PDE10A: variants seen among roughly 807,000 people sequenced by gnomAD.
The protein encoded by PDE10A is phosphodiesterase 10A.
PDE10A carries 39 observed loss-of-function variants against 97.7 expected under a neutral mutation model. The ratio of observed to expected loss-of-function variants is 0.40; its 90% CI spans 0.31 to 0.52. PDE10A has a LOEUF of 0.52. Ranked by LOEUF, PDE10A falls within the 20% of genes least tolerant of loss-of-function variation. PDE10A has a pLI of 0.56. For synonymous variants in PDE10A, 371 were observed against 376.8 expected (o/e 0.98, Z 0.18); for missense variants, 731 against 1,047.8 (o/e 0.70, Z 4.17).
intron 1 of PDE10A, among the ~76,000 whole-genome samples, chr6:165,740,537 G>A (rs1044428039): frequency 6.6e-6 from 1 of 152,122 alleles, no homozygotes; most frequent in Admixed American, 6.5e-5. Context: ...TTTTCACTGT[G>A]TTAGCGAGGA....
At chr6:165,404,127 C>T (rs575008814) in intron 13 of PDE10A, among the ~76,000 whole-genome samples, 221 of 152,140 alleles carry the variant, frequency 1.5e-3, no homozygotes, top group African/African-American at 5.0e-3. Context: ...TCAGTCACAC[C>T]GATATGATTA....
chr6:165,909,093 T>G (rs997849472), intron 1 of PDE10A: 1 of 151,954 alleles, frequency 6.6e-6, no homozygotes, highest in Non-Finnish European at 1.5e-5. Context: ...TGGTAATTCA[T>G]GGAAATGTTG....
chr6:165,742,075 C>T (rs1373050513), intron 1 of PDE10A, among the ~76,000 whole-genome samples: 2 of 152,178 alleles, frequency 1.3e-5, no homozygotes, highest in African/African-American at 4.8e-5. Context: ...TGCGTAAGTA[C>T]TCTATATGCA....
At chr6:165,437,838 TG>T (rs2128241475) in intron 5 of PDE10A, among the ~76,000 whole-genome samples, 1 of 152,370 alleles carries the variant, frequency 6.6e-6, no homozygotes, top group African/African-American at 2.4e-5. Flanking sequence ...GTGTTGTTTT[TG>T]TTTTGTTTGC....
chr6:165,874,107 C>A (rs1222139011), intron 1 of PDE10A, among the ~76,000 whole-genome samples: 4 of 152,176 alleles, frequency 2.6e-5, no homozygotes, highest in Admixed American at 6.5e-5. Flanking sequence ...ATGAAAACAG[C>A]CAGAACTGAT....
intron 18 of PDE10A, among the ~76,000 whole-genome samples, chr6:165,354,398 A>T (rs1404332523): frequency 6.6e-6 from 1 of 152,220 alleles, no homozygotes; most frequent in Non-Finnish European, 1.5e-5. Context: ...GACATCAGCT[A>T]AGAGCATACT....
intron 1 of PDE10A, among the ~76,000 whole-genome samples, chr6:165,599,147 T>C (rs1329621988): frequency 1.3e-5 from 2 of 152,204 alleles, no homozygotes. Context: ...CCTAATGAAT[T>C]GCATGCCAAC....
At chr6:165,615,258 T>C (rs184804606) in intron 1 of PDE10A, among the ~76,000 whole-genome samples, 25 of 151,868 alleles carry the variant, frequency 1.6e-4, no homozygotes, top group African/African-American at 4.8e-4. Flanking sequence ...AAGAAATACA[T>C]GTAAAATAAC....
At chr6:165,598,263 C>A (rs1203948638) in intron 1 of PDE10A, among the ~76,000 whole-genome samples, 3 of 150,738 alleles carry the variant, frequency 2.0e-5, no homozygotes, top group South Asian at 4.2e-4. Flanking sequence ...TATTTAATTT[C>A]TTTTCTTCTT....
intron 15 of PDE10A, 38 bp from the exon 16 acceptor site, chr6:165,392,834 GAGAATCACTATGTTGTA>G: frequency 6.3e-7 from 1 of 1,596,630 alleles, no homozygotes; most frequent in South Asian, 1.1e-5. Context: ...GAAACCAGTA[GAGAATCACTATGTTGTA>G]GGAGAACTCC....
In PDE10A at chr6:165,662,037, C is replaced by T. The variant is rs1175278147; in HGVS notation, c.775G>A (p.Ala259Thr). The change falls in exon 1 of 22, where the codon GCC becomes ACC. Residue 259 changes from alanine (A) to threonine (T), a missense_variant. Ala to Thr is a moderately conservative substitution (Grantham distance 58, BLOSUM62 0). Coordinates refer to ENST00000539869, the MANE Select transcript of PDE10A (RefSeq NM_001385079.1). ...QGASFALAAA[A>T]ALLFGSDMED... is the part of the protein sequence containing the mutation. Reference sequence around the variant, plus strand: ...ATGTCGGAGCCGAAGAGCAGCGCGGCCGCGGCGGCGAGGGCGAAGCTGGCG... The same window carrying T: ...ATGTCGGAGCCGAAGAGCAGCGCGGTCGCGGCGGCGAGGGCGAAGCTGGCG... 7 of 1,482,990 alleles carry T rather than the reference C, an allele frequency of 4.7e-6. No homozygotes were observed. Among genetic ancestry groups the T allele is most frequent in the East Asian group, 2.9e-5 (1 of 34,512 alleles). 91.9% of individuals were successfully genotyped at this position (1,482,990 alleles called of 1,614,324 possible).
chr6:165,794,455 C>T (rs1211249518), intron 1 of PDE10A, among the ~76,000 whole-genome samples: 1 of 151,850 alleles, frequency 6.6e-6, no homozygotes, highest in Non-Finnish European at 1.5e-5. Flanking sequence ...CACACACTCA[C>T]ATGCCCATGC....
chr6:165,582,637 A>C (rs1294058318), intron 1 of PDE10A, among the ~76,000 whole-genome samples: 1 of 152,012 alleles, frequency 6.6e-6, no homozygotes, highest in Non-Finnish European at 1.5e-5. Flanking sequence ...CTATACACCA[A>C]AAGAAACACC....
intron 1 of PDE10A, among the ~76,000 whole-genome samples, chr6:165,619,412 G>GCGTAGTGTAC (rs1562634729): frequency 2.5e-5 from 3 of 119,084 alleles, no homozygotes; most frequent in Admixed American, 8.0e-5. Flanking sequence ...GTGTAGTCTA[G>GCGTAGTGTAC]TGTAGTGTAG....
chr6:165,344,875 T>C (rs979731626), intron 18 of PDE10A, among the ~76,000 whole-genome samples: 4 of 152,202 alleles, frequency 2.6e-5, no homozygotes, highest in African/African-American at 9.6e-5. Context: ...ATACCCTTCC[T>C]GTAACCCCAA....
intron 18 of PDE10A, among the ~76,000 whole-genome samples, chr6:165,350,015 A>C (rs1379270881): frequency 6.6e-6 from 1 of 152,206 alleles, no homozygotes; most frequent in Non-Finnish European, 1.5e-5. Flanking sequence ...GCAGTGTGAA[A>C]GGGAAATGTG....
At chr6:165,542,586 GT>G (rs1783504101) in intron 2 of PDE10A, among the ~76,000 whole-genome samples, 1 of 125,242 alleles carries the variant, frequency 8.0e-6, no homozygotes, top group Non-Finnish European at 1.7e-5. Flanking sequence ...TTTCATGAGT[GT>G]TTAGGTCAAA....
At chr6:165,891,579 C>A in intron 1 of PDE10A, among the ~76,000 whole-genome samples, 1 of 152,052 alleles carries the variant, frequency 6.6e-6, no homozygotes, top group East Asian at 1.9e-4. Context: ...GAGGATGCTG[C>A]CTGTCCCTGC....
chr6:165,725,595 G>T (rs9457112), intron 1 of PDE10A, among the ~76,000 whole-genome samples: 68,783 of 152,076 alleles, frequency 0.45, 16,487 homozygotes, highest in Non-Finnish European at 0.55. Flanking sequence ...AATAGGGGAG[G>T]CCCGTGGAGT....
Sources: allele counts gnomAD v4.1 joint callset (sites outside exome capture counted in the v4.1 genomes callset), GRCh38; gene constraint gnomAD v4.1.1; transcripts MANE v1.5; gene names NCBI Gene and HGNC (gene_info 2026-07-23, HGNC 2026-07-21).